SEC24A: variants seen among roughly 807,000 people sequenced by gnomAD.
SEC24A encodes SEC24 homolog A, COPII component, also known as protein transport protein Sec24A.
In SEC24A, 93 loss-of-function variants were observed where a neutral mutation model predicts 129.4. That is an observed-to-expected ratio of 0.72 (90% CI 0.61 to 0.85). The LOEUF (loss-of-function observed/expected upper bound fraction) is 0.85, where lower values mean the gene tolerates loss of function less well. SEC24A is among the 40% of genes least tolerant of loss of function. The probability of loss-of-function intolerance (pLI) is 0.00; values close to 1 mark genes in which losing one functional copy is unlikely to be tolerated. For missense variants in SEC24A, 1,264 were observed against 1,307.4 expected, an observed-to-expected ratio of 0.97 and a Z score of 0.51; for synonymous variants, 460 against 467.3, an observed-to-expected ratio of 0.98 and a Z score of 0.20.
intron 20 of SEC24A, among the ~76,000 whole-genome samples, chr5:134,720,066 T>A (rs981091525): frequency 3.9e-5 from 6 of 152,212 alleles, no homozygotes; most frequent in African/African-American, 1.4e-4. Flanking sequence ...TTTATATATC[T>A]CTAGTGTAGC....
intron 2 of SEC24A, among the ~76,000 whole-genome samples, chr5:134,666,330 C>T (rs984579752): frequency 2.6e-5 from 4 of 151,986 alleles, no homozygotes; most frequent in Admixed American, 6.6e-5. Context: ...CCAAGGCGGG[C>T]GAATCACCTG....
intron 20 of SEC24A, among the ~76,000 whole-genome samples, chr5:134,719,398 A>AG (rs201436747): frequency 1.3e-5 from 2 of 149,712 alleles, no homozygotes; most frequent in Admixed American, 6.7e-5. Context: ...AAAAAAAAAA[A>AG]AAGAAGAAGT....
chr5:134,690,718 A>G (rs74640232), intron 11 of SEC24A, among the ~76,000 whole-genome samples: 2,021 of 152,344 alleles, frequency 0.013, 18 homozygotes, highest in Middle Eastern at 0.041. Context: ...CTTTCTAAGG[A>G]AGAATTCCTA....
chr5:134,689,542 C>T (rs765274780), intron 11 of SEC24A, among the ~76,000 whole-genome samples: 3 of 152,130 alleles, frequency 2.0e-5, no homozygotes, highest in Non-Finnish European at 4.4e-5. Context: ...GCGGGTGGAT[C>T]ACGAGGTCAA....
chr5:134,703,954 G>T (rs767270813), intron 16 of SEC24A, 22 bp downstream of exon 16: 65 of 1,470,610 alleles, frequency 4.4e-5, no homozygotes, highest in Non-Finnish European at 5.3e-5. Flanking sequence ...GTTTTTTTTT[G>T]GATTTCAAAT....
At chr5:134,659,716 G>A (rs1056752904) in intron 1 of SEC24A, among the ~76,000 whole-genome samples, 14 of 150,140 alleles carry the variant, frequency 9.3e-5, no homozygotes, top group Non-Finnish European at 5.9e-5. Context: ...GTGCAGTGGC[G>A]TGAACGCAGC....
chr5:134,694,388 G>A (rs1233067062), intron 13 of SEC24A, among the ~76,000 whole-genome samples: 3 of 152,082 alleles, frequency 2.0e-5, no homozygotes, highest in Non-Finnish European at 4.4e-5. Context: ...GGCTGGGCGC[G>A]GTGGCTCACG....
intron 9 of SEC24A, among the ~76,000 whole-genome samples, chr5:134,683,012 T>C (rs1421558056): frequency 6.6e-6 from 1 of 152,108 alleles, no homozygotes. Context: ...TCCAATATGA[T>C]ATTGGGCTCG....
intron 20 of SEC24A, among the ~76,000 whole-genome samples, chr5:134,718,694 G>A (rs567719534): frequency 2.0e-5 from 3 of 152,126 alleles, no homozygotes; most frequent in South Asian, 4.2e-4. Context: ...AAATAGGGCC[G>A]GGCACGGTGG....
chr5:134,702,178 A>C (rs1359042612), intron 15 of SEC24A, among the ~76,000 whole-genome samples: 2 of 151,868 alleles, frequency 1.3e-5, no homozygotes, highest in Non-Finnish European at 2.9e-5. Context: ...TTCTTTATTA[A>C]TGTTGTATAT....
At chr5:134,697,057 A>G in intron 13 of SEC24A, 69 bp from the exon 14 acceptor site, 2 of 860,380 alleles carry the variant, frequency 2.3e-6, no homozygotes, top group Non-Finnish European at 3.6e-6. Flanking sequence ...ATGTATGTAG[A>G]TGTGTATTTA....
At chr5:134,696,717 C>T (rs1751836879) in intron 13 of SEC24A, among the ~76,000 whole-genome samples, 1 of 151,826 alleles carries the variant, frequency 6.6e-6, no homozygotes, top group Non-Finnish European at 1.5e-5. Flanking sequence ...CCAGGATGGT[C>T]TCGATCTCCG....
intron 21 of SEC24A, among the ~76,000 whole-genome samples, chr5:134,721,386 A>AC (rs1752623245): frequency 6.6e-6 from 1 of 151,618 alleles, no homozygotes; most frequent in Non-Finnish European, 1.5e-5. Context: ...AACATGGTGA[A>AC]CCCCCTTCTC....
Position 134,674,599 on chromosome 5 carries a change from G to A in SEC24A, c.818-16G>A. The A allele has an allele frequency of 2.5e-6, 4 of 1,604,872 alleles. No homozygotes were observed. Among genetic ancestry groups the A allele is most frequent in the Non-Finnish European group, 3.4e-6 (4 of 1,175,944 alleles). ...CTGGAGTATAAAATAGAACTTAAAAGTTACCTTGTTTCTAGCAACACCACA... is the reference window on the plus strand; with the variant it reads ...CTGGAGTATAAAATAGAACTTAAAAATTACCTTGTTTCTAGCAACACCACA... On this transcript the variant is annotated splice_polypyrimidine_tract_variant and intron_variant, in intron 4 of 22. Transcript: ENST00000398844.
intron 10 of SEC24A, 93 bp from the exon 11 acceptor site, chr5:134,688,088 A>G: frequency 3.8e-6 from 3 of 789,426 alleles, no homozygotes; most frequent in Admixed American, 2.1e-5. Flanking sequence ...ATAATATTGA[A>G]TTAGATATTT....
At chr5:134,721,211 G>A in intron 21 of SEC24A, 121 bp downstream of exon 21, 1 of 614,820 alleles carries the variant, frequency 1.6e-6, no homozygotes, top group South Asian at 2.0e-5. Flanking sequence ...TTATTGATGG[G>A]TTTTCATGTT....
chr5:134,695,632 A>G (rs1220463314), intron 13 of SEC24A, among the ~76,000 whole-genome samples: 1 of 152,024 alleles, frequency 6.6e-6, no homozygotes, highest in Non-Finnish European at 1.5e-5. Context: ...TAAAAATACA[A>G]AAATTAACCG....
chr5:134,698,598 CAAAA>C (rs536006364), intron 15 of SEC24A, among the ~76,000 whole-genome samples: 1 of 69,750 alleles, frequency 1.4e-5, no homozygotes, highest in East Asian at 4.0e-4. Flanking sequence ...ACACTGTCTC[CAAAA>C]AAAAAAAAAA....
chr5:134,723,710 G>C, intron 22 of SEC24A, 40 bp downstream of exon 22: 1 of 1,271,896 alleles, frequency 7.9e-7, no homozygotes, highest in Non-Finnish European at 1.1e-6. Context: ...AAAACAATTT[G>C]TTTGGCCTTG....
Sources: allele counts gnomAD v4.1 joint callset (sites outside exome capture counted in the v4.1 genomes callset), GRCh38; gene constraint gnomAD v4.1.1; transcripts MANE v1.5; gene names NCBI Gene and HGNC (gene_info 2026-07-23, HGNC 2026-07-21).